The following ANK1 variants were observed in gnomAD, a reference collection of about 807,000 sequenced individuals.
The protein encoded by ANK1 is ankyrin-1.
Under a neutral mutation model 210.4 loss-of-function variants are expected in ANK1, and 51 were observed. The ratio of observed to expected loss-of-function variants is 0.24; its 90% CI spans 0.19 to 0.31. The LOEUF is 0.31. Ranked by LOEUF, ANK1 falls within the 10% of genes least tolerant of loss-of-function variation. The probability of loss-of-function intolerance (pLI) is 1.00; values close to 1 mark genes in which losing one functional copy is unlikely to be tolerated. For missense variants in ANK1, 2,051 were observed against 2,504.4 expected (o/e 0.82, Z 3.86); for synonymous variants, 967 against 1,025.9 (o/e 0.94, Z 1.10).
At chr8:41,841,807 C>T (rs1808959413) in intron 1 of ANK1, among the ~76,000 whole-genome samples, 1 of 152,234 alleles carries the variant, frequency 6.6e-6, no homozygotes, top group Non-Finnish European at 1.5e-5. Flanking sequence ...CTATTTCCTC[C>T]TCAAAGGGTA....
At chr8:41,756,985 G>A (rs7831492) in intron 2 of ANK1, among the ~76,000 whole-genome samples, 54,796 of 152,062 alleles carry the variant, frequency 0.36, 10,177 homozygotes, top group Middle Eastern at 0.43. Flanking sequence ...CCCTATAGTA[G>A]TAAAATTCGT....
intron 1 of ANK1, among the ~76,000 whole-genome samples, chr8:41,883,886 C>T (rs1249344624): frequency 6.6e-6 from 1 of 152,170 alleles, no homozygotes; most frequent in African/African-American, 2.4e-5. Context: ...TTGTCGAGGG[C>T]AGGTTCTCTT....
intron 42 of ANK1, chr8:41,660,617 G>A (rs547751624): frequency 2.5e-5 from 11 of 440,144 alleles, no homozygotes; most frequent in Admixed American, 2.3e-4. Flanking sequence ...GGCACGGCAC[G>A]GCACGGCATG....
chr8:41,822,187 AAGG>A (rs1291759922), intron 1 of ANK1, among the ~76,000 whole-genome samples: 1 of 145,380 alleles, frequency 6.9e-6, no homozygotes, highest in Admixed American at 6.8e-5. Flanking sequence ...AGAAAGAAAG[AAGG>A]AAAGAAAGAA....
At chr8:41,664,782 C>T (rs1263618710) in intron 39 of ANK1, 3 of 1,585,082 alleles carry the variant, frequency 1.9e-6, no homozygotes, top group South Asian at 2.3e-5. Context: ...ACCAGCCCTG[C>T]CGGCCTCCTG....
At chr8:41,733,409 T>G (rs1832696586) in intron 3 of ANK1, among the ~76,000 whole-genome samples, 1 of 152,210 alleles carries the variant, frequency 6.6e-6, no homozygotes, top group African/African-American at 2.4e-5. Flanking sequence ...GATTCCTTAC[T>G]ACAGGAATCA....
Position 41,696,430 on chromosome 8 carries a change from G to T in ANK1, c.2893C>A (p.Leu965Met), listed in dbSNP as rs763095562. The change falls in exon 26 of 43, where the codon CTG (leucine) becomes ATG (methionine). Residue 965 changes from leucine (L) to methionine (M), a missense_variant. This residue lies in a region of ANK1 where 1,413 missense variants were observed against 1,707.4 expected (regional missense o/e 0.83). Coordinates refer to ENST00000289734, the MANE Select transcript of ANK1 (RefSeq NM_000037.4). ...KPQKLSTPPPLAEEEGLASRI... is the reference protein window; with the variant it reads ...KPQKLSTPPPMAEEEGLASRI... ...CTGGCCAGGCCCTCCTCCTCGGCCA[G>T]TGGGGGCGGCGTGCTGAGCTTCTGG... 6.2e-7 allele frequency: 1 copy of T among 1,613,330 alleles called. No individual in the cohort carries two copies. Among genetic ancestry groups the T allele is most frequent in the Non-Finnish European group, 8.5e-7 (1 of 1,179,880 alleles).
At chr8:41,826,435 C>T (rs1024335399) in intron 1 of ANK1, among the ~76,000 whole-genome samples, 1 of 152,110 alleles carries the variant, frequency 6.6e-6, no homozygotes, top group South Asian at 2.1e-4. Flanking sequence ...GCCTACACCA[C>T]CCACTCCCTG....
At chr8:41,820,232 T>A (rs934129939) in intron 1 of ANK1, among the ~76,000 whole-genome samples, 1 of 151,926 alleles carries the variant, frequency 6.6e-6, no homozygotes, top group African/African-American at 2.4e-5. Context: ...CAATCATTGC[T>A]TACTGCAGCC....
At chr8:41,815,200 C>T (rs545132871) in intron 1 of ANK1, among the ~76,000 whole-genome samples, 1 of 152,204 alleles carries the variant, frequency 6.6e-6, no homozygotes, top group Admixed American at 6.5e-5. Context: ...TATTGAGAGA[C>T]TCAGTTTTCT....
chr8:41,721,495 A>G (rs1488551042), intron 9 of ANK1, among the ~76,000 whole-genome samples: 2 of 151,960 alleles, frequency 1.3e-5, no homozygotes, highest in African/African-American at 4.8e-5. Context: ...CATCTCTACT[A>G]AAAATACAAA....
At chr8:41,834,149 C>T (rs1807186565) in intron 1 of ANK1, among the ~76,000 whole-genome samples, 1 of 152,182 alleles carries the variant, frequency 6.6e-6, no homozygotes, top group Admixed American at 6.5e-5. Context: ...CCACAGGGTC[C>T]TCCATGCATT....
At chr8:41,665,104 G>T in intron 39 of ANK1, 1 of 1,574,302 alleles carries the variant, frequency 6.4e-7, no homozygotes, top group Non-Finnish European at 8.6e-7. Context: ...TCTCCACTGG[G>T]ACTCCTGAGT....
chr8:41,675,389 GC>G (rs1813800919), intron 37 of ANK1, among the ~76,000 whole-genome samples: 1 of 152,210 alleles, frequency 6.6e-6, no homozygotes, highest in Admixed American at 6.5e-5. Flanking sequence ...GAGTCACTGA[GC>G]CCGGCCACTG....
intron 1 of ANK1, among the ~76,000 whole-genome samples, chr8:41,821,940 C>T (rs146053126): frequency 3.4e-4 from 51 of 151,980 alleles, no homozygotes; most frequent in African/African-American, 1.1e-3. Flanking sequence ...ATCCCAGCTA[C>T]GCCGGAGGCT....
At chr8:41,855,403 G>T (rs1266488206) in intron 1 of ANK1, among the ~76,000 whole-genome samples, 1 of 152,178 alleles carries the variant, frequency 6.6e-6, no homozygotes, top group Non-Finnish European at 1.5e-5. Flanking sequence ...AGAGAAGAAA[G>T]ATACGTAACA....
At chr8:41,838,548 C>T (rs1808221856) in intron 1 of ANK1, among the ~76,000 whole-genome samples, 1 of 152,072 alleles carries the variant, frequency 6.6e-6, no homozygotes, top group Non-Finnish European at 1.5e-5. Context: ...GGCGGATCAC[C>T]TGAGGTCAGG....
In ANK1 at chr8:41,704,027, G is replaced by T; in HGVS notation, c.2295+14C>A. The T allele has an allele frequency of 6.2e-7, 1 of 1,611,962 alleles. No homozygotes were observed. Among genetic ancestry groups the T allele is most frequent in the South Asian group, 1.1e-5 (1 of 91,028 alleles). ...GGAGCAGTTTTCTAAACTCAGGAGAGAGAGTGTACTCACCGAGCTGACCTC... is the reference window on the plus strand; with the variant it reads ...GGAGCAGTTTTCTAAACTCAGGAGATAGAGTGTACTCACCGAGCTGACCTC... On this transcript the variant is annotated intron_variant, in intron 20 of 42. Coordinates refer to ENST00000289734, the MANE Select transcript of ANK1 (RefSeq NM_000037.4). This position sits in a 1 kb window ranked among gnomAD's most constrained non-coding sequence, Gnocchi z 4.1.
intron 13 of ANK1, among the ~76,000 whole-genome samples, chr8:41,716,650 C>A (rs1827760016): frequency 1.3e-5 from 2 of 152,176 alleles, no homozygotes; most frequent in African/African-American, 4.8e-5. Flanking sequence ...GCAATGCTTT[C>A]TTTAAAACGT....
Sources: gnomAD v4.1 joint callset for allele counts (sites outside exome capture counted in the v4.1 genomes callset) on GRCh38, gnomAD v4.1.1 for gene constraint, gnomAD v4.1.1 regional missense constraint, Gnocchi (gnomAD v3.1) non-coding constraint, MANE v1.5 for transcripts, NCBI Gene and HGNC (gene_info 2026-07-23, HGNC 2026-07-21) for gene names.